Variants in MPPED2 observed in about 807,000 individuals in gnomAD.
MPPED2 encodes the protein metallophosphoesterase domain containing 2, also known as metallophosphoesterase MPPED2.
In MPPED2, 5 loss-of-function variants were observed where a neutral mutation model predicts 33.0. The ratio of observed to expected loss-of-function variants is 0.15; its 90% CI spans 0.08 to 0.32. The LOEUF (loss-of-function observed/expected upper bound fraction) is 0.32. MPPED2 is among the 10% of genes least tolerant of loss of function. The probability of loss-of-function intolerance (pLI) is 1.00; values close to 1 mark genes in which losing one functional copy is unlikely to be tolerated. For missense variants in MPPED2, 275 were observed against 372.1 expected (o/e 0.74, Z 2.15); for synonymous variants, 136 against 141.9 (o/e 0.96, Z 0.29).
At chr11:30,534,680 A>G (rs950466978) in intron 3 of MPPED2, among the ~76,000 whole-genome samples, 6 of 152,202 alleles carry the variant, frequency 3.9e-5, no homozygotes, top group Non-Finnish European at 7.4e-5. Flanking sequence ...ACATGTAGCA[A>G]AAACCATAAA....
intron 2 of MPPED2, among the ~76,000 whole-genome samples, chr11:30,553,942 G>A (rs1199360535): frequency 6.6e-6 from 1 of 152,128 alleles, no homozygotes; most frequent in African/African-American, 2.4e-5. Context: ...GTAAGCATAA[G>A]GTCAAGGACC....
rs559297388 is a variant in MPPED2 at position 30,397,992 on chromosome 11, C to T, written c.767-9036G>A. Among the ~76,000 whole-genome samples, 15 of 152,206 alleles carry T rather than the reference C, an allele frequency of 9.9e-5. No individual in the cohort carries two copies. The South Asian group carries it at 3.1e-3, about 32-fold the overall frequency. On this transcript the variant is annotated intron_variant, in intron 6 of 6. Coordinates refer to the MPPED2 transcript ENST00000448418. ...ATCTCTTAGCTTGACCAATTCCTTC[C>T]TTGACTTTGACCAATTCATTTCTCC...
chr11:30,451,869 C>T (rs980455868), intron 4 of MPPED2: 2 of 984,660 alleles, frequency 2.0e-6, no homozygotes, highest in African/African-American at 3.5e-5. Flanking sequence ...AGACAGCAGA[C>T]CTATGCCCTA....
chr11:30,580,289 A>G lies in MPPED2; in HGVS notation c.85T>C (p.Tyr29His). ...SSNPTQAFTH[Y>H]NINQSRFQPP... ...TGGAATCTGCTCTGGTTGATGTTGT[A>G]GTGCGTGAATGCCTGGGTGGGGTTT... The change falls in exon 2 of 7, where the codon TAC becomes CAC. Residue 29 changes from tyrosine (Y) to histidine (H), a missense_variant. Physicochemically the swap from Tyr to His is moderately conservative, Grantham distance 83. Transcript: ENST00000358117. 6.2e-7 allele frequency: 1 copy of G among 1,614,078 alleles called. No individual in the cohort carries two copies. Among genetic ancestry groups the G allele is most frequent in the Non-Finnish European group, 8.5e-7 (1 of 1,179,974 alleles).
chr11:30,537,117 G>A (rs1174356665), intron 2 of MPPED2, among the ~76,000 whole-genome samples: 1 of 152,046 alleles, frequency 6.6e-6, no homozygotes, highest in Admixed American at 6.6e-5. Flanking sequence ...AAATAAACTT[G>A]GTAAAGGAAT....
At chr11:30,453,480 A>G (rs1418438682) in intron 4 of MPPED2, among the ~76,000 whole-genome samples, 1 of 152,162 alleles carries the variant, frequency 6.6e-6, no homozygotes, top group African/African-American at 2.4e-5. Context: ...CAATAGGGCA[A>G]TTTCAAGACT....
At chr11:30,453,260 C>T (rs1950141187) in intron 4 of MPPED2, among the ~76,000 whole-genome samples, 1 of 152,116 alleles carries the variant, frequency 6.6e-6, no homozygotes, top group Admixed American at 6.6e-5. Context: ...AAGAAGACTC[C>T]ACACCTCTAA....
chr11:30,504,747 G>A, intron 3 of MPPED2: 1 of 1,285,944 alleles, frequency 7.8e-7, no homozygotes, highest in South Asian at 1.2e-5. Flanking sequence ...CTTGCTGATG[G>A]AGCCACACAG....
At chr11:30,389,024 T>C in intron 6 of MPPED2, 2 of 1,487,020 alleles carry the variant, frequency 1.3e-6, no homozygotes, top group Non-Finnish European at 1.8e-6. Flanking sequence ...AATTATTCAG[T>C]TTTCTCTCTG....
chr11:30,495,334 C>T lies in MPPED2; in HGVS notation c.498G>A (p.Glu166=), dbSNP rs773339751. 4.3e-6 allele frequency: 7 copies of T among 1,613,898 alleles called. No homozygotes were observed. The Admixed American group carries it at 1.2e-4, about 27-fold the overall frequency. ...LTNSIYLQDS[E]VTVKGFRIYG... ...ATATCCTGAATCCCTTCACTGTTACCTCCGAATCTTGTAAGTAAATACTGT... is the reference window on the plus strand; with the variant it reads ...ATATCCTGAATCCCTTCACTGTTACTTCCGAATCTTGTAAGTAAATACTGT... The change falls in exon 4 of 7, where the codon GAG becomes GAA. Residue 166 remains glutamate (E), a synonymous_variant. Coordinates refer to ENST00000358117, the MANE Select transcript of MPPED2 (RefSeq NM_001584.3).
intron 3 of MPPED2, 152 bp from the exon 4 acceptor site, chr11:30,495,673 A>G: frequency 1.6e-6 from 1 of 621,502 alleles, no homozygotes; most frequent in South Asian, 2.0e-5. Context: ...TATGACTACT[A>G]CTTTATGCTA....
At chr11:30,427,645 A>ATGTGTG (rs1193037140) in intron 4 of MPPED2, among the ~76,000 whole-genome samples, 1 of 20,644 alleles carries the variant, frequency 4.8e-5, no homozygotes, top group Non-Finnish European at 3.7e-4. Flanking sequence ...TCATGAGAAA[A>ATGTGTG]TTCCTTGATG....
chr11:30,461,323 T>G (rs1428599949), intron 4 of MPPED2, among the ~76,000 whole-genome samples: 3 of 152,224 alleles, frequency 2.0e-5, no homozygotes, highest in African/African-American at 7.2e-5. Flanking sequence ...GTGAATGTAC[T>G]TAATGCCACT....
intron 4 of MPPED2, among the ~76,000 whole-genome samples, chr11:30,460,188 G>T (rs183116032): frequency 2.0e-4 from 30 of 152,256 alleles, no homozygotes; most frequent in African/African-American, 7.0e-4. Flanking sequence ...GTGAATGCTG[G>T]CTTTTCTTCT....
At chr11:30,585,996 T>TCCTCCC (rs1255420075) in intron 1 of MPPED2, 46 bp downstream of exon 1, 2 of 152,162 alleles carry the variant, frequency 1.3e-5, no homozygotes, top group Admixed American at 6.6e-5. Context: ...CCCGGCCGCC[T>TCCTCCC]CCTCCCCCTC....
intron 3 of MPPED2, among the ~76,000 whole-genome samples, chr11:30,521,366 C>T (rs1953867285): frequency 6.6e-6 from 1 of 152,210 alleles, no homozygotes; most frequent in African/African-American, 2.4e-5. Context: ...GCTTGCTAAT[C>T]AAACGCCTTT....
intron 3 of MPPED2, among the ~76,000 whole-genome samples, chr11:30,526,257 G>C (rs991498500): frequency 4.0e-5 from 6 of 151,774 alleles, no homozygotes; most frequent in African/African-American, 1.5e-4. Flanking sequence ...AGAACATACA[G>C]GCAACTCATA....
At chr11:30,391,828 C>A (rs1162280285) in intron 6 of MPPED2, among the ~76,000 whole-genome samples, 1 of 152,016 alleles carries the variant, frequency 6.6e-6, no homozygotes, top group African/African-American at 2.4e-5. Context: ...ACATCTAAAG[C>A]CCCAACATTA....
At chr11:30,519,353 C>A (rs1466586080) in intron 3 of MPPED2, among the ~76,000 whole-genome samples, 2 of 151,266 alleles carry the variant, frequency 1.3e-5, no homozygotes, top group Non-Finnish European at 2.9e-5. Context: ...TATGTATGTG[C>A]ATATATATAT....
Sources: gnomAD v4.1 joint callset for allele counts (sites outside exome capture counted in the v4.1 genomes callset) on GRCh38, gnomAD v4.1.1 for gene constraint, MANE v1.5 for transcripts, NCBI Gene and HGNC (gene_info 2026-07-23, HGNC 2026-07-21) for gene names.